The following ADPRHL1 variants were observed in gnomAD, a reference collection of about 807,000 sequenced individuals.
ADPRHL1 encodes inactive ADP-ribosyltransferase ARH2.
Under a neutral mutation model 44.1 loss-of-function variants are expected in ADPRHL1, and 43 were observed. The ratio of observed to expected loss-of-function variants is 0.98; its 90% confidence interval spans 0.76 to 1.26. ADPRHL1 has a LOEUF of 1.26. Ranked by LOEUF, ADPRHL1 falls within the 50% of genes most tolerant of loss-of-function variation. The probability of loss-of-function intolerance (pLI) is 0.00; values close to 1 mark genes in which losing one functional copy is unlikely to be tolerated. For synonymous variants in ADPRHL1, 878 were observed against 1,017.4 expected (o/e 0.86, Z 2.61); for missense variants, 2,022 against 2,496.9 (o/e 0.81, Z 4.05).
Position 113,451,139 on chromosome 13 carries a change from A to T in ADPRHL1, c.214+2085T>A, listed in dbSNP as rs372091789. On this transcript the variant is annotated intron_variant, in intron 1 of 7. Coordinates refer to ENST00000612156, the MANE Select transcript of ADPRHL1 (RefSeq NM_001394807.1). ...GCTCGCACTCTTGTCTTCTGGTCAC[A>T]CCTCACTATGTCCCCTCAGCTCCTA... Among the ~76,000 whole-genome samples the T allele has an allele frequency of 9.2e-4, 140 of 152,196 alleles. No individual in the cohort carries two copies. The South Asian group carries it at 0.016, about 17-fold the overall frequency.
At chr13:113,448,884 C>T in intron 1 of ADPRHL1, 3 of 944,940 alleles carry the variant, frequency 3.2e-6, no homozygotes, top group South Asian at 4.9e-5. Context: ...AGCCACTTCC[C>T]CAGTTTTCCC....
At chr13:113,434,563 T>G (rs12875792) in intron 2 of ADPRHL1, among the ~76,000 whole-genome samples, 1 of 119,106 alleles carries the variant, frequency 8.4e-6, no homozygotes, top group Non-Finnish European at 1.8e-5. Context: ...GGCACCCAGG[T>G]GTAGAGTGAA....
chr13:113,421,543 A>G (rs2043922978), intron 7 of ADPRHL1, among the ~76,000 whole-genome samples: 2 of 152,108 alleles, frequency 1.3e-5, no homozygotes, highest in Admixed American at 1.3e-4. Context: ...ATTTCCATCA[A>G]GGGGAGGCGG....
intron 2 of ADPRHL1, among the ~76,000 whole-genome samples, chr13:113,437,902 G>T (rs2044072761): frequency 6.6e-6 from 1 of 152,182 alleles, no homozygotes; most frequent in South Asian, 2.1e-4. Context: ...CCTAATCTTA[G>T]CTCAGTGCAC....
chr13:113,408,756 G>C (rs1314932387), intron 7 of ADPRHL1, among the ~76,000 whole-genome samples: 1 of 149,422 alleles, frequency 6.7e-6, no homozygotes, highest in Non-Finnish European at 1.5e-5. Context: ...CTCAGGCTTG[G>C]GGTGGGCGGA....
intron 1 of ADPRHL1, among the ~76,000 whole-genome samples, chr13:113,452,944 A>G (rs972835338): frequency 4.6e-5 from 7 of 152,248 alleles, no homozygotes; most frequent in Non-Finnish European, 1.0e-4. Context: ...TTAACGCTTT[A>G]CAAATACAAG....
At chr13:113,435,217 C>T (rs375909349) in intron 2 of ADPRHL1, among the ~76,000 whole-genome samples, 7 of 15,864 alleles carry the variant, frequency 4.4e-4, no homozygotes, top group Admixed American at 1.0e-3. Context: ...AGGTGTACCC[C>T]GGGACCCAGC....
chr13:113,404,511 G>A lies in ADPRHL1; in HGVS notation c.4771C>T (p.Gln1591Ter). The change falls in exon 8 of 8, where the codon CAG becomes TAG. Residue 1591 changes from glutamine (Q) to a stop codon, truncating the protein, a stop_gained. Coordinates refer to ENST00000612156, the MANE Select transcript of ADPRHL1 (RefSeq NM_001394807.1). LOFTEE classifies it low-confidence loss of function (END_TRUNC). ...QGQAQKWAQGQIQGQAQKQVQ... is the reference protein window; with the variant it reads ...QGQAQKWAQG ...TGTTTCTGGGCCTGTCCCTGAATCTGCCCCTGAGCCCATTTCTGGGCCTGT... is the reference window on the plus strand; with the variant it reads ...TGTTTCTGGGCCTGTCCCTGAATCTACCCCTGAGCCCATTTCTGGGCCTGT... 7.7e-7 allele frequency: 1 copy of A among 1,304,662 alleles called. No individual in the cohort carries two copies. Among genetic ancestry groups the A allele is most frequent in the Non-Finnish European group, 9.7e-7 (1 of 1,033,260 alleles). 80.8% of individuals were successfully genotyped at this position (1,304,662 alleles called of 1,614,324 possible). A position where few individuals can be genotyped will look rare whatever the true frequency, so the allele number is the denominator to read the frequency against.
chr13:113,427,523 C>A (rs2043975762), intron 4 of ADPRHL1, among the ~76,000 whole-genome samples: 1 of 152,196 alleles, frequency 6.6e-6, no homozygotes, highest in African/African-American at 2.4e-5. Context: ...GCCACCACGC[C>A]CGGCCTCTTT....
At chr13:113,423,369 G>C (rs1384758519) in intron 6 of ADPRHL1, among the ~76,000 whole-genome samples, 2 of 152,328 alleles carry the variant, frequency 1.3e-5, no homozygotes, top group East Asian at 3.9e-4. Context: ...GAGTCAGTGA[G>C]GTGCCAGGAA....
rs1243506193 is a variant in ADPRHL1, at chr13:113,407,475, C to T, written c.1807G>A (p.Val603Ile). 53 of 1,231,992 alleles carry T rather than the reference C, an allele frequency of 4.3e-5. No individual in the cohort carries two copies. The highest frequency in any genetic ancestry group is 5.3e-5 in the Non-Finnish European group (52 of 988,048). 76.3% of individuals were successfully genotyped at this position (1,231,992 alleles called of 1,614,324 possible). Residue 603 changes from valine (V) to isoleucine (I), a missense_variant, in exon 8 of 8, where the codon GTC becomes ATC. Physicochemically the swap from Val to Ile is conservative, Grantham distance 29 (BLOSUM62 3). Around this residue, in one of 8 missense-constraint regions of ADPRHL1, gnomAD observed 1,221 missense variants for 1,517.8 expected, o/e 0.80. Coordinates refer to ENST00000612156, the MANE Select transcript of ADPRHL1 (RefSeq NM_001394807.1). ...LHTATMASTC[V>I]KMPPARFLAC... Reference sequence around the variant, plus strand: ...AGAAAGCGGGCAGGGGGCATCTTGACGCAGGTGCTGGCCATGGTGGCCGTG... The same window carrying T: ...AGAAAGCGGGCAGGGGGCATCTTGATGCAGGTGCTGGCCATGGTGGCCGTG...
intron 4 of ADPRHL1, among the ~76,000 whole-genome samples, chr13:113,428,242 CA>C (rs67263619): frequency 0.13 from 16,754 of 130,080 alleles, 986 homozygotes; most frequent in Middle Eastern, 0.17. Flanking sequence ...GATTCCATCT[CA>C]AAAAAAAAAA....
chr13:113,443,654 T>G (rs1457923629), intron 2 of ADPRHL1, among the ~76,000 whole-genome samples: 1 of 150,610 alleles, frequency 6.6e-6, no homozygotes, highest in Non-Finnish European at 1.5e-5. Flanking sequence ...TAAAAAAAAT[T>G]TAAAGCTTCG....
At position 113,407,296 on chromosome 13, in the gene ADPRHL1, C is replaced by T. The variant is rs1283269556; in HGVS notation, c.1986G>A (p.Thr662=). Residue 662 remains threonine, a synonymous_variant, in exon 8 of 8, where the codon ACG becomes ACA. Coordinates refer to ENST00000612156, the MANE Select transcript of ADPRHL1 (RefSeq NM_001394807.1). ...EASVPPSARE[T]GPSGNKAVGK... ...CCACTGCTTTGTTCCCACTGGGCCCCGTCTCCCTGGCACTAGGGGGCACGC... is the reference window on the plus strand; with the variant it reads ...CCACTGCTTTGTTCCCACTGGGCCCTGTCTCCCTGGCACTAGGGGGCACGC... The T allele has an allele frequency of 1.1e-5, 14 of 1,231,926 alleles. No individual in the cohort carries two copies. Among genetic ancestry groups the T allele is most frequent in the African/African-American group, 1.6e-5 (1 of 64,420 alleles). 76.3% of individuals were successfully genotyped at this position (1,231,926 alleles called of 1,614,324 possible). A position where few individuals can be genotyped will look rare whatever the true frequency, so the allele number is the denominator to read the frequency against.
chr13:113,431,509 C>T (rs750577778), intron 3 of ADPRHL1, among the ~76,000 whole-genome samples: 8 of 152,216 alleles, frequency 5.3e-5, no homozygotes, highest in South Asian at 2.1e-4. Flanking sequence ...TCTGCCCCCG[C>T]GCAGGGTGGC....
In ADPRHL1 at chr13:113,410,000, A is replaced by C; in HGVS notation, c.1062-1780T>G. ...TTGTCTGCATTTTTCCAAAAGAGAGAGCTCTGTTTTGAAGCCATGGATGGA... is the reference window on the plus strand; with the variant it reads ...TTGTCTGCATTTTTCCAAAAGAGAGCGCTCTGTTTTGAAGCCATGGATGGA... On this transcript the variant is annotated intron_variant, in intron 7 of 7. Coordinates refer to ENST00000612156, the MANE Select transcript of ADPRHL1 (RefSeq NM_001394807.1). This position sits in a 1 kb window ranked among gnomAD's most constrained non-coding sequence, Gnocchi z 4.2. 1 of 985,014 alleles carries C rather than the reference A, an allele frequency of 1.0e-6. No homozygotes were observed. The highest frequency in any genetic ancestry group is 1.2e-6 in the Non-Finnish European group (1 of 829,874). 61.0% of individuals were successfully genotyped at this position (985,014 alleles called of 1,614,324 possible).
chr13:113,434,566 A>G, intron 2 of ADPRHL1, among the ~76,000 whole-genome samples: 1 of 146,880 alleles, frequency 6.8e-6, no homozygotes, highest in Non-Finnish European at 1.5e-5. Context: ...ACCCAGGTGT[A>G]GAGTGAACAC....
chr13:113,408,239 C>T lies in ADPRHL1; in HGVS notation c.1062-19G>A. ...CTTCCGGCTGCAGAGAAAAAGGAAT[C>T]ATCACCTACTTCATCATCATTTTTC... On this transcript the variant is annotated intron_variant, in intron 7 of 7. Coordinates refer to ENST00000612156, the MANE Select transcript of ADPRHL1 (RefSeq NM_001394807.1). 8.1e-7 allele frequency: 1 copy of T among 1,231,882 alleles called. No individual in the cohort carries two copies. The highest frequency in any genetic ancestry group is 1.0e-6 in the Non-Finnish European group (1 of 987,944). 76.3% of individuals were successfully genotyped at this position (1,231,882 alleles called of 1,614,324 possible).
intron 1 of ADPRHL1, among the ~76,000 whole-genome samples, chr13:113,452,029 C>T (rs903727116): frequency 2.0e-5 from 3 of 152,112 alleles, no homozygotes; most frequent in African/African-American, 7.2e-5. Flanking sequence ...CTGGTATGAG[C>T]GCACACACGG....
Sources: allele counts gnomAD v4.1 joint callset (sites outside exome capture counted in the v4.1 genomes callset), GRCh38; gene constraint gnomAD v4.1.1; regional missense constraint gnomAD v4.1.1; non-coding constraint Gnocchi (gnomAD v3.1); transcripts MANE v1.5; gene names NCBI Gene and HGNC (gene_info 2026-07-23, HGNC 2026-07-21).